The following TMEM135 variants were observed in gnomAD, a reference collection of about 807,000 sequenced individuals.
The protein encoded by TMEM135 is transmembrane protein 135.
In TMEM135, 30 loss-of-function variants were observed where a neutral mutation model predicts 60.3. That is an observed-to-expected ratio of 0.50 (90% CI 0.37 to 0.68). The LOEUF is 0.68. TMEM135 is among the 30% of genes least tolerant of loss of function. TMEM135 has a pLI of 0.00. For synonymous variants in TMEM135, 190 were observed against 186.7 expected (o/e 1.02, Z -0.14); for missense variants, 468 against 548.8 (o/e 0.85, Z 1.47).
intron 4 of TMEM135, among the ~76,000 whole-genome samples, chr11:87,140,261 G>A (rs1361745272): frequency 3.3e-5 from 5 of 152,020 alleles, no homozygotes; most frequent in Admixed American, 3.3e-4. Context: ...TAGAGATGGG[G>A]TTTCACCCTG....
chr11:87,129,922 G>C (rs1405860202), intron 4 of TMEM135, among the ~76,000 whole-genome samples: 1 of 115,086 alleles, frequency 8.7e-6, no homozygotes, highest in Non-Finnish European at 1.9e-5. Flanking sequence ...TAAATTAATA[G>C]AATGTAAGTA....
intron 5 of TMEM135, among the ~76,000 whole-genome samples, chr11:87,158,802 C>T (rs889321840): frequency 1.3e-5 from 2 of 152,110 alleles, no homozygotes; most frequent in Non-Finnish European, 2.9e-5. Context: ...TTTGTCTATA[C>T]AGAAAGACTT....
At chr11:87,238,078 T>C (rs1198455078) in intron 6 of TMEM135, among the ~76,000 whole-genome samples, 1 of 151,982 alleles carries the variant, frequency 6.6e-6, no homozygotes, top group African/African-American at 2.4e-5. Context: ...AGTGGACACT[T>C]AGCCTGCTTC....
chr11:87,193,104 C>CA (rs879418352), intron 5 of TMEM135, among the ~76,000 whole-genome samples: 1,848 of 147,024 alleles, frequency 0.013, 38 homozygotes, highest in African/African-American at 0.043. Flanking sequence ...GACTCCATCT[C>CA]AAAAAAAAAA....
At chr11:87,072,013 C>T (rs1355187897) in intron 3 of TMEM135, among the ~76,000 whole-genome samples, 3 of 151,976 alleles carry the variant, frequency 2.0e-5, no homozygotes, top group African/African-American at 4.8e-5. Flanking sequence ...ATTGGAAAAC[C>T]CTGTCTCTAC....
At chr11:87,302,510 A>C in intron 8 of TMEM135, 68 bp downstream of exon 8, 1 of 1,600,412 alleles carries the variant, frequency 6.2e-7, no homozygotes, top group East Asian at 2.2e-5. Context: ...TACCATGCCA[A>C]GGTTATTTTT....
Position 87,184,024 on chromosome 11 carries a change from G to A in TMEM135, c.462+26618G>A, listed in dbSNP as rs77481730. The stretch of plus-strand genomic sequence containing the variant: ...TTTACCTTTTTTGTTCTAAGAGCAC[G>A]TTCAGTGAACATTTTCTACTTAGAA... On this transcript the variant is annotated intron_variant, in intron 5 of 14. Coordinates refer to ENST00000305494, the MANE Select transcript of TMEM135 (RefSeq NM_022918.4). Among the ~76,000 whole-genome samples the A allele has an allele frequency of 6.9e-3, 1,035 of 149,242 alleles. 6 individuals are homozygous for A. Among genetic ancestry groups the A allele is most frequent in the Non-Finnish European group, 0.013 (864 of 67,650 alleles).
intron 10 of TMEM135, among the ~76,000 whole-genome samples, chr11:87,310,159 C>T (rs1942617078): frequency 6.6e-6 from 1 of 150,828 alleles, no homozygotes; most frequent in South Asian, 2.1e-4. Flanking sequence ...CTTCCACCCA[C>T]TCACAGTTCC....
At chr11:87,064,043 C>T (rs1451947270) in intron 1 of TMEM135, among the ~76,000 whole-genome samples, 2 of 152,064 alleles carry the variant, frequency 1.3e-5, no homozygotes, top group Non-Finnish European at 2.9e-5. Flanking sequence ...TGCTATCCAA[C>T]GGTTTTCCAA....
rs1942849316 is a variant in TMEM135 at position 87,322,943 on chromosome 11, TCTTAA to T, written c.*1614_*1618del. On this transcript the variant is annotated 3_prime_UTR_variant, in exon 15 of 15. Coordinates refer to ENST00000305494, the MANE Select transcript of TMEM135 (RefSeq NM_022918.4). The stretch of plus-strand genomic sequence containing the variant: ...CTTCAAAGTTGATTAATAAATTTAA[TCTTAA>T]CTTTTTATTCACTGGAATCAAAACG... The T allele has an allele frequency of 6.6e-6, 3 of 454,288 alleles. No individual in the cohort carries two copies. The highest frequency in any genetic ancestry group is 1.3e-5 in the Non-Finnish European group (3 of 226,726). 28.1% of individuals were successfully genotyped at this position (454,288 alleles called of 1,614,324 possible).
At chr11:87,241,367 A>G (rs1385093639) in intron 6 of TMEM135, among the ~76,000 whole-genome samples, 1 of 151,948 alleles carries the variant, frequency 6.6e-6, no homozygotes, top group Non-Finnish European at 1.5e-5. Context: ...AAAATTTTTA[A>G]TTTTTATAGG....
At chr11:87,040,951 A>G (rs1949745459) in intron 1 of TMEM135, among the ~76,000 whole-genome samples, 1 of 152,074 alleles carries the variant, frequency 6.6e-6, no homozygotes, top group African/African-American at 2.4e-5. Context: ...GTAAGGCTAT[A>G]CAGACATTTA....
intron 5 of TMEM135, among the ~76,000 whole-genome samples, chr11:87,181,297 A>G (rs1045261518): frequency 6.7e-6 from 1 of 148,172 alleles, no homozygotes; most frequent in Non-Finnish European, 1.5e-5. Context: ...TAAAGATAAA[A>G]GACAATAAAA....
At chr11:87,152,068 C>T (rs1198461895) in intron 4 of TMEM135, among the ~76,000 whole-genome samples, 5 of 152,174 alleles carry the variant, frequency 3.3e-5, no homozygotes. Flanking sequence ...TGCATTCTGG[C>T]TTTCTGGTGC....
intron 6 of TMEM135, among the ~76,000 whole-genome samples, chr11:87,254,358 T>C (rs774347410): frequency 5.9e-5 from 9 of 152,174 alleles, no homozygotes; most frequent in South Asian, 2.1e-4. Context: ...CATGGTAGAA[T>C]AGAAATTGTA....
Position 87,246,175 on chromosome 11 carries a change from T to A in TMEM135, c.509+9491T>A, listed in dbSNP as rs1410343442. On this transcript the variant is annotated intron_variant, in intron 6 of 14. Transcript: ENST00000305494. ...TCTTTTCTTTAAGAATGTTGAATAT[T>A]GGCCCCCACTGTCTTCTGGCTTGTA... Among the ~76,000 whole-genome samples, 34 of 135,624 alleles carry A rather than the reference T, an allele frequency of 2.5e-4. No individual in the cohort carries two copies. In the East Asian group the frequency reaches 6.8e-3, roughly 27 times the overall value. The allele number at this position is 135,624 out of a possible 152,430, so 89.0% of individuals were successfully genotyped here.
intron 12 of TMEM135, among the ~76,000 whole-genome samples, chr11:87,315,046 T>C (rs554808038): frequency 6.6e-6 from 1 of 152,090 alleles, no homozygotes; most frequent in South Asian, 2.1e-4. Context: ...GATTATCTTA[T>C]AAATATGTTT....
intron 6 of TMEM135, among the ~76,000 whole-genome samples, chr11:87,245,951 G>A (rs1487331805): frequency 1.7e-5 from 2 of 117,480 alleles, no homozygotes; most frequent in African/African-American, 6.6e-5. Context: ...TAGCCTCAAT[G>A]GTCTTTACAA....
At chr11:87,183,556 T>C (rs1004791647) in intron 5 of TMEM135, among the ~76,000 whole-genome samples, 1 of 152,148 alleles carries the variant, frequency 6.6e-6, no homozygotes, top group Admixed American at 6.5e-5. Context: ...AAAAGGACAT[T>C]GCGGTTAAAT....
Sources: gnomAD v4.1 joint callset for allele counts (sites outside exome capture counted in the v4.1 genomes callset) on GRCh38, gnomAD v4.1.1 for gene constraint, MANE v1.5 for transcripts, NCBI Gene and HGNC (gene_info 2026-07-23, HGNC 2026-07-21) for gene names.